FGF14: variants seen among roughly 807,000 people sequenced by gnomAD.
The protein encoded by FGF14 is fibroblast growth factor homologous factor 4.
FGF14 carries 5 observed loss-of-function variants against 25.5 expected under a neutral mutation model. The ratio of observed to expected loss-of-function variants is 0.20; its 90% CI spans 0.10 to 0.41. FGF14 has a LOEUF of 0.41. FGF14 is among the 10% of genes least tolerant of loss of function. The pLI, the probability that FGF14 is intolerant of heterozygous loss-of-function variation, is 1.00. For synonymous variants in FGF14, 138 were observed against 118.3 expected, an observed-to-expected ratio of 1.17 and a Z score of -1.08; for missense variants, 222 against 320.1, an observed-to-expected ratio of 0.69 and a Z score of 2.34.
intron 3 of FGF14, among the ~76,000 whole-genome samples, chr13:101,741,476 A>T (rs1184237522): frequency 6.6e-6 from 1 of 152,184 alleles, no homozygotes; most frequent in Non-Finnish European, 1.5e-5. Flanking sequence ...TCCATTAAAC[A>T]TCAGTAAAAG....
chr13:102,156,189 G>T (rs578008033), intron 1 of FGF14, among the ~76,000 whole-genome samples: 208 of 151,966 alleles, frequency 1.4e-3, no homozygotes, highest in African/African-American at 4.8e-3. Context: ...TACCAAAGCC[G>T]GGCAGAGACA....
intron 1 of FGF14, among the ~76,000 whole-genome samples, chr13:102,086,484 C>G (rs1033020168): frequency 1.3e-4 from 19 of 151,946 alleles, no homozygotes; most frequent in African/African-American, 2.9e-4. Flanking sequence ...GAGCCGAGAT[C>G]GAGCCACTGC....
At chr13:101,854,828 T>C (rs770751498) in intron 3 of FGF14, among the ~76,000 whole-genome samples, 50 of 152,030 alleles carry the variant, frequency 3.3e-4, no homozygotes, top group Middle Eastern at 3.2e-3. Context: ...GAGTTAAAAA[T>C]ATCAGAAGTT....
chr13:101,802,076 GA>G, intron 3 of FGF14: 1 of 310,580 alleles, frequency 3.2e-6, no homozygotes, highest in Non-Finnish European at 6.4e-6. Context: ...GGCAAAGGCA[GA>G]AAAAGTAGGT....
At chr13:102,177,335 A>C (rs2048490218) in intron 1 of FGF14, among the ~76,000 whole-genome samples, 1 of 152,198 alleles carries the variant, frequency 6.6e-6, no homozygotes, top group African/African-American at 2.4e-5. Context: ...GCTAGGAACC[A>C]AGCTAAATTC....
At chr13:101,830,920 C>T (rs1466743336) in intron 3 of FGF14, among the ~76,000 whole-genome samples, 1 of 152,078 alleles carries the variant, frequency 6.6e-6, no homozygotes, top group African/African-American at 2.4e-5. Flanking sequence ...GAAATGGCAG[C>T]CAAATACCAT....
At chr13:101,774,508 A>G (rs918598540) in intron 3 of FGF14, among the ~76,000 whole-genome samples, 3 of 152,072 alleles carry the variant, frequency 2.0e-5, no homozygotes, top group African/African-American at 7.2e-5. Flanking sequence ...GGTATTTAAT[A>G]CGGCCAGAGG....
At chr13:102,030,098 G>C (rs532134984) in intron 1 of FGF14, among the ~76,000 whole-genome samples, 7 of 152,120 alleles carry the variant, frequency 4.6e-5, no homozygotes, top group South Asian at 2.1e-4. Flanking sequence ...CTGTATGAGA[G>C]ATTTTTCATT....
chr13:102,136,107 GATA>G lies in FGF14; in HGVS notation c.209-260814_209-260812del, dbSNP rs555053452. On this transcript the variant is annotated intron_variant, in intron 1 of 4. Coordinates refer to the FGF14 transcript ENST00000376131. ...GTGACCCAGAACTCTTTAGCTTAAT[GATA>G]ATGATAGGATTTTAAAATTTAATGC... 1.2e-3 allele frequency among the ~76,000 whole-genome samples: 185 copies of G among 152,162 alleles called. 1 individual carries two copies. Among genetic ancestry groups the G allele is most frequent in the African/African-American group, 4.0e-3 (165 of 41,506 alleles).
intron 1 of FGF14, among the ~76,000 whole-genome samples, chr13:102,163,599 G>C (rs1395516835): frequency 1.3e-5 from 2 of 152,134 alleles, no homozygotes; most frequent in Admixed American, 1.3e-4. Flanking sequence ...GGTTCTCAGA[G>C]GTCACTTTGA....
intron 1 of FGF14, among the ~76,000 whole-genome samples, chr13:102,111,934 T>C (rs1481739836): frequency 6.6e-6 from 1 of 152,188 alleles, no homozygotes; most frequent in Non-Finnish European, 1.5e-5. Context: ...ATAGTTCCTA[T>C]ACTTTTTAAA....
chr13:102,186,035 T>G (rs1233956284), intron 1 of FGF14, among the ~76,000 whole-genome samples: 1 of 152,230 alleles, frequency 6.6e-6, no homozygotes, highest in East Asian at 1.9e-4. Context: ...CAAAGTTCAT[T>G]GCCTGGGCAC....
chr13:102,225,818 T>C lies in FGF14; in HGVS notation c.208+175653A>G, dbSNP rs140303420. Among the ~76,000 whole-genome samples the C allele has an allele frequency of 6.1e-4, 93 of 152,294 alleles. 2 individuals carry two copies. Among genetic ancestry groups the C allele is most frequent in the East Asian group, 5.8e-3 (30 of 5,180 alleles). On this transcript the variant is annotated intron_variant, in intron 1 of 4. Transcript: ENST00000376131. The stretch of plus-strand genomic sequence containing the variant: ...CATTTAGGTAATGAAGTAAATTATA[T>C]TTTCCTTGAAAACAAGATTCTGCCA...
intron 1 of FGF14, among the ~76,000 whole-genome samples, chr13:102,147,344 C>T (rs547539096): frequency 3.5e-4 from 53 of 152,244 alleles, no homozygotes; most frequent in Non-Finnish European, 6.2e-4. Flanking sequence ...GGGCTTGTTA[C>T]GAAGGCAGTC....
intron 1 of FGF14, among the ~76,000 whole-genome samples, chr13:102,186,642 C>T (rs1337185803): frequency 6.6e-6 from 1 of 152,062 alleles, no homozygotes; most frequent in African/African-American, 2.4e-5. Context: ...ATTTTCTCAA[C>T]ATTTTTGTCT....
intron 1 of FGF14, among the ~76,000 whole-genome samples, chr13:102,386,685 T>C (rs183802426): frequency 1.3e-5 from 2 of 152,268 alleles, no homozygotes; most frequent in Admixed American, 6.5e-5. Flanking sequence ...CAAATACAAG[T>C]TAGTTGGCAC....
intron 1 of FGF14, among the ~76,000 whole-genome samples, chr13:102,308,970 A>C (rs542964652): frequency 6.6e-6 from 1 of 151,960 alleles, no homozygotes; most frequent in Admixed American, 6.6e-5. Context: ...AGAGCACTCC[A>C]AAGTATCTGC....
chr13:102,263,818 G>A (rs1301014387), intron 1 of FGF14, among the ~76,000 whole-genome samples: 1 of 152,118 alleles, frequency 6.6e-6, no homozygotes, highest in Non-Finnish European at 1.5e-5. Context: ...TCACTCTCTG[G>A]TATATGGCTC....
intron 1 of FGF14, among the ~76,000 whole-genome samples, chr13:101,897,907 T>G (rs540944978): frequency 6.6e-6 from 1 of 152,130 alleles, no homozygotes; most frequent in Non-Finnish European, 1.5e-5. Context: ...TATTTTTTAT[T>G]TTTTGGAGAC....
Sources: gnomAD v4.1 joint callset for allele counts (sites outside exome capture counted in the v4.1 genomes callset) on GRCh38, gnomAD v4.1.1 for gene constraint, MANE v1.5 for transcripts, NCBI Gene and HGNC (gene_info 2026-07-23, HGNC 2026-07-21) for gene names.